KDM2B: variants seen among roughly 807,000 people sequenced by gnomAD.
KDM2B encodes lysine demethylase 2B.
KDM2B carries 26 observed loss-of-function variants against 150.0 expected under a neutral mutation model. The observed-to-expected ratio is 0.17, with a 90% CI of 0.13 to 0.24. The LOEUF is 0.24. Among genes scored for constraint, KDM2B ranks in the 10% least tolerant of loss-of-function variants. The pLI is 1.00. For missense variants in KDM2B, 1,265 were observed against 1,816.9 expected (o/e 0.70, Z 5.52); for synonymous variants, 734 against 729.5 (o/e 1.01, Z -0.10).
At chr12:121,426,462 T>A (rs1043099357), downstream of KDM2B, among the ~76,000 whole-genome samples, 3 of 142,758 alleles carry the variant, frequency 2.1e-5, no homozygotes, top group Admixed American at 1.4e-4. Flanking sequence ...CTTTTTTTTT[T>A]AAAGACAGAG....
chr12:121,430,064 GT>G lies in KDM2B; in HGVS notation c.*223del. 4 of 1,473,150 alleles carry G rather than the reference GT, an allele frequency of 2.7e-6. No individual in the cohort carries two copies. The highest frequency in any genetic ancestry group is 3.8e-6 in the Non-Finnish European group (4 of 1,051,354). The allele number at this position is 1,473,150 out of a possible 1,614,324, so 91.3% of individuals were successfully genotyped here. Reference sequence around the variant, plus strand: ...TCTTGTAAAGGCCGCCTTAGAAATGGTCCAGAAAGCAGTGCAGTTACGATTC... The same window carrying G: ...TCTTGTAAAGGCCGCCTTAGAAATGGCCAGAAAGCAGTGCAGTTACGATTC... On this transcript the variant is annotated 3_prime_UTR_variant, in exon 23 of 23. Transcript: ENST00000377071. The surrounding 1 kb of genome is among the most constrained non-coding windows in gnomAD (Gnocchi z 4.4).
chr12:121,560,481 TG>T (rs782413833), intron 4 of KDM2B, among the ~76,000 whole-genome samples: 2 of 151,816 alleles, frequency 1.3e-5, no homozygotes, highest in Non-Finnish European at 2.9e-5. Context: ...AGGAGGTGGG[TG>T]GGGGGTGCTC....
intron 4 of KDM2B, among the ~76,000 whole-genome samples, chr12:121,568,695 T>G (rs1393439635): frequency 1.3e-5 from 2 of 152,056 alleles, no homozygotes; most frequent in Non-Finnish European, 2.9e-5. Context: ...GGAGACTACA[T>G]GGGCAGACGC....
the KDM2B span, chr12:121,420,579 C>T: frequency 1.2e-6 from 2 of 1,613,972 alleles, no homozygotes; most frequent in Non-Finnish European, 8.5e-7. Flanking sequence ...GGTTTCAGAA[C>T]CCCGGGCTCT....
intron 12 of KDM2B, among the ~76,000 whole-genome samples, chr12:121,483,522 G>T (rs565679430): frequency 6.6e-6 from 1 of 151,876 alleles, no homozygotes. Flanking sequence ...AAAAAAATAC[G>T]AAAATTTAAC....
chr12:121,432,037 C>T (rs782261063), intron 22 of KDM2B, among the ~76,000 whole-genome samples: 16 of 151,748 alleles, frequency 1.1e-4, no homozygotes, highest in Non-Finnish European at 1.3e-4. Flanking sequence ...CCGGCCACCA[C>T]GCCTGGCTAA....
At position 121,468,907 on chromosome 12, in the gene KDM2B, T is replaced by TG. The variant is rs1880423142; in HGVS notation, c.1735-15564_1735-15563insC. 9.8e-6 allele frequency: 1 copy of TG among 102,134 alleles called. No individual in the cohort carries two copies. Among genetic ancestry groups the TG allele is most frequent in the Non-Finnish European group, 2.0e-5 (1 of 49,784 alleles). The allele number at this position is 102,134 out of a possible 1,614,324, so 6.3% of individuals were successfully genotyped here. On this transcript the variant is annotated intron_variant, in intron 12 of 22. Transcript: ENST00000377071. The surrounding 1 kb of genome is among the most constrained non-coding windows in gnomAD (Gnocchi z 4.0). ...CTGTTCTGAGTTTCCTTCCTTACTC[T>TG]CCTTTTTTTGAGACAGACTCTCACT...
intron 12 of KDM2B, 54 bp downstream of exon 12, chr12:121,494,525 G>T (rs1469859277): frequency 7.1e-7 from 1 of 1,402,974 alleles, no homozygotes; most frequent in Non-Finnish European, 1.0e-6. Flanking sequence ...CACCCTACAG[G>T]AGGTGGGAAG....
chr12:121,528,747 G>T (rs1217426216), intron 8 of KDM2B, among the ~76,000 whole-genome samples: 1 of 152,026 alleles, frequency 6.6e-6, no homozygotes, highest in Non-Finnish European at 1.5e-5. Context: ...ACAAAAATTA[G>T]CCAGGCGTGG....
downstream of KDM2B, among the ~76,000 whole-genome samples, chr12:121,427,050 TCTTC>T (rs1566239732): frequency 6.6e-6 from 1 of 152,324 alleles, no homozygotes; most frequent in Middle Eastern, 3.4e-3. Context: ...TGCCATGGTG[TCTTC>T]CTTTGTAAAC....
chr12:121,572,540 C>A (rs1043067414), intron 4 of KDM2B, among the ~76,000 whole-genome samples: 2 of 152,246 alleles, frequency 1.3e-5, no homozygotes, highest in African/African-American at 4.8e-5. Flanking sequence ...TGCCCCCCTT[C>A]ATCCCAGAGA....
At position 121,451,447 on chromosome 12, in the gene KDM2B, A is replaced by C. The variant is rs527801773; in HGVS notation, c.1959+1673T>G. Among the ~76,000 whole-genome samples, 3 of 152,280 alleles carry C rather than the reference A, an allele frequency of 2.0e-5. No homozygotes were observed. The East Asian group carries it at 5.8e-4, about 30-fold the overall frequency. On this transcript the variant is annotated intron_variant, in intron 13 of 22. Coordinates refer to ENST00000377071, the MANE Select transcript of KDM2B (RefSeq NM_032590.5). The stretch of plus-strand genomic sequence containing the variant: ...GTTACATGCAGATTTTCAACTGCAC[A>C]GAGGTCAGATGGTGCCCCAACCCTT...
At chr12:121,527,750 C>T (rs1006266754) in intron 8 of KDM2B, among the ~76,000 whole-genome samples, 12 of 151,232 alleles carry the variant, frequency 7.9e-5, no homozygotes, top group African/African-American at 2.9e-4. Context: ...TTCACTGGAT[C>T]AAGCCATGCT....
chr12:121,548,540 G>A (rs1889240901), intron 6 of KDM2B, among the ~76,000 whole-genome samples: 1 of 152,206 alleles, frequency 6.6e-6, no homozygotes, highest in Non-Finnish European at 1.5e-5. Flanking sequence ...ATGTCTCATG[G>A]AGGGAGTGCA....
intron 10 of KDM2B, among the ~76,000 whole-genome samples, chr12:121,512,351 G>A (rs563364614): frequency 6.6e-6 from 1 of 152,044 alleles, no homozygotes; most frequent in Admixed American, 6.6e-5. Flanking sequence ...CCCATCATAC[G>A]CCCAGCCTGG....
rs1886687875 is a variant in KDM2B at position 121,521,514 on chromosome 12, C to T, written c.932-414G>A. 1.3e-5 allele frequency among the ~76,000 whole-genome samples: 2 copies of T among 152,182 alleles called. No individual in the cohort carries two copies. Among genetic ancestry groups the T allele is most frequent in the Non-Finnish European group, 2.9e-5 (2 of 68,030 alleles). ...TGTCCAGAGTCTTTCCTCACCATCC[C>T]AGAGGGGTCACAAAGGATGGCTGGG... On this transcript the variant is annotated intron_variant, in intron 8 of 22. Coordinates refer to ENST00000377071, the MANE Select transcript of KDM2B (RefSeq NM_032590.5). This position sits in a 1 kb window ranked among gnomAD's most constrained non-coding sequence, Gnocchi z 4.9.
At chr12:121,581,493 C>G (rs1032020407), upstream of KDM2B, among the ~76,000 whole-genome samples, 11 of 152,200 alleles carry the variant, frequency 7.2e-5, no homozygotes, top group Non-Finnish European at 1.5e-4. Context: ...CCATCATGAG[C>G]AACAGTCAGG....
At chr12:121,459,084 CAAAAAAA>C (rs60165748) in intron 12 of KDM2B, among the ~76,000 whole-genome samples, 1 of 102,438 alleles carries the variant, frequency 9.8e-6, no homozygotes, top group African/African-American at 3.6e-5. Flanking sequence ...GACTCTGCCT[CAAAAAAA>C]AAAAAAAAAA....
At chr12:121,455,746 G>A (rs1878133046) in intron 12 of KDM2B, among the ~76,000 whole-genome samples, 2 of 152,130 alleles carry the variant, frequency 1.3e-5, no homozygotes, top group Non-Finnish European at 2.9e-5. Flanking sequence ...AATGAGGGCC[G>A]GATGCCCCCA....
Sources: gnomAD v4.1 joint callset for allele counts (sites outside exome capture counted in the v4.1 genomes callset) on GRCh38, gnomAD v4.1.1 for gene constraint, Gnocchi (gnomAD v3.1) non-coding constraint, MANE v1.5 for transcripts, NCBI Gene and HGNC (gene_info 2026-07-23, HGNC 2026-07-21) for gene names.